The following COL4A2 variants were observed in gnomAD, a reference collection of about 807,000 sequenced individuals.
COL4A2 encodes collagen alpha-2(IV) chain.
In COL4A2, 99 loss-of-function variants were observed where a neutral mutation model predicts 200.2. The ratio of observed to expected loss-of-function variants is 0.49; its 90% CI spans 0.42 to 0.58. The LOEUF (loss-of-function observed/expected upper bound fraction) is 0.58, where lower values mean the gene tolerates loss of function less well. COL4A2 is among the 20% of genes least tolerant of loss of function. The pLI is 0.00. For synonymous variants in COL4A2, 897 were observed against 900.6 expected, an observed-to-expected ratio of 1.00 and a Z score of 0.07; for missense variants, 1,950 against 2,314.1, an observed-to-expected ratio of 0.84 and a Z score of 3.23.
At chr13:110,392,204 A>T (rs557784090) in intron 4 of COL4A2, among the ~76,000 whole-genome samples, 3 of 152,244 alleles carry the variant, frequency 2.0e-5, no homozygotes, top group Non-Finnish European at 4.4e-5. Flanking sequence ...CATCAAGAAA[A>T]CAAGTCAGTC....
chr13:110,478,015 T>A lies in COL4A2; in HGVS notation c.2438T>A (p.Met813Lys). The A allele has an allele frequency of 6.4e-7, 1 of 1,567,264 alleles. No individual in the cohort carries two copies. Reference protein sequence around the residue: ...GPPGFRGSQGMPGMPGLKGQP... With the variant: ...GPPGFRGSQGKPGMPGLKGQP... ...CTGATTCCTGCAGGAAGCCAAGGGA[T>A]GCCTGGGATGCCAGGGCTGAAGGGC... The change falls in exon 30 of 48, where the codon ATG becomes AAG. Residue 813 changes from methionine to lysine, a missense_variant. Transcript: ENST00000360467.
intron 40 of COL4A2, among the ~76,000 whole-genome samples, chr13:110,499,068 A>G (rs1411967541): frequency 6.6e-6 from 1 of 152,250 alleles, no homozygotes; most frequent in African/African-American, 2.4e-5. Context: ...TGATGAGGGA[A>G]AGACGACCTT....
intron 3 of COL4A2, chr13:110,328,408 AACCCC>A (rs1435578611): frequency 6.6e-6 from 1 of 152,252 alleles, no homozygotes; most frequent in African/African-American, 2.4e-5. Context: ...GAGAAGAGAC[AACCCC>A]TGGCAGGCAA....
intron 4 of COL4A2, among the ~76,000 whole-genome samples, chr13:110,390,096 A>T (rs866783696): frequency 9.2e-5 from 14 of 152,344 alleles, no homozygotes; most frequent in Admixed American, 5.2e-4. Flanking sequence ...TTCAAAAAGC[A>T]TGTATTGAGC....
chr13:110,447,809 C>T (rs144733394), intron 18 of COL4A2, among the ~76,000 whole-genome samples: 18 of 152,262 alleles, frequency 1.2e-4, no homozygotes, highest in African/African-American at 3.9e-4. Flanking sequence ...TAAATACAGA[C>T]GCTCTGGTGT....
At chr13:110,341,834 G>A (rs1259863379) in intron 3 of COL4A2, among the ~76,000 whole-genome samples, 2 of 152,242 alleles carry the variant, frequency 1.3e-5, no homozygotes, top group Non-Finnish European at 2.9e-5. Flanking sequence ...AAGGACAGGA[G>A]CATAATAAAA....
chr13:110,394,526 A>G (rs1185437096), intron 4 of COL4A2, among the ~76,000 whole-genome samples: 1 of 152,238 alleles, frequency 6.6e-6, no homozygotes, highest in Non-Finnish European at 1.5e-5. Context: ...CCCAGACTGC[A>G]TGACCCGTAC....
At chr13:110,426,880 T>C (rs1177528764) in intron 6 of COL4A2, among the ~76,000 whole-genome samples, 1 of 152,038 alleles carries the variant, frequency 6.6e-6, no homozygotes, top group Non-Finnish European at 1.5e-5. Flanking sequence ...AAGGGCCCCT[T>C]ATGTCTTTAT....
chr13:110,364,539 A>C (rs928111), intron 4 of COL4A2, among the ~76,000 whole-genome samples: 34,992 of 152,174 alleles, frequency 0.23, 4,402 homozygotes, highest in Admixed American at 0.28. Context: ...ATTTATTAAA[A>C]GTCCCACTTC....
chr13:110,330,371 C>A (rs558589564), intron 3 of COL4A2, among the ~76,000 whole-genome samples: 6 of 151,642 alleles, frequency 4.0e-5, no homozygotes, highest in African/African-American at 1.5e-4. Flanking sequence ...AGGTGGGTGG[C>A]GAGTCGGAAT....
intron 32 of COL4A2, 82 bp from the exon 33 acceptor site, chr13:110,484,823 G>A: frequency 6.8e-7 from 1 of 1,468,976 alleles, no homozygotes; most frequent in Middle Eastern, 2.0e-4. Flanking sequence ...GCAGCCCTAT[G>A]GCTCAGGGAC....
chr13:110,363,912 G>A (rs1877630351), intron 4 of COL4A2, among the ~76,000 whole-genome samples: 1 of 152,162 alleles, frequency 6.6e-6, no homozygotes, highest in African/African-American at 2.4e-5. Context: ...TGTTGGCCAG[G>A]CTGGTCTCGA....
rs1879710367 is a variant in COL4A2 at position 110,408,994 on chromosome 13, GCA to G, written c.181-15735_181-15734del. On this transcript the variant is annotated intron_variant, in intron 4 of 47. Transcript: ENST00000360467. ...CACATATACACACACATGCACACAC[GCA>G]CACATACACACACACATACACATGG... is the stretch of plus-strand genomic sequence containing the variant. Among the ~76,000 whole-genome samples, 2 of 3,028 alleles carry G rather than the reference GCA, an allele frequency of 6.6e-4. 1 individual carries two copies. Among genetic ancestry groups the G allele is most frequent in the Non-Finnish European group, 1.7e-3 (2 of 1,212 alleles). The allele number at this position is 3,028 out of a possible 152,430, so 2.0% of individuals were successfully genotyped here. A position where few individuals can be genotyped will look rare whatever the true frequency, so the allele number is the denominator to read the frequency against.
chr13:110,462,524 A>T, intron 24 of COL4A2, 140 bp downstream of exon 24: 2 of 724,702 alleles, frequency 2.8e-6, no homozygotes, highest in Non-Finnish European at 4.4e-6. Flanking sequence ...TGCTCATTCT[A>T]TTTCTAATGA....
chr13:110,498,910 CT>C (rs900384420), intron 40 of COL4A2, among the ~76,000 whole-genome samples: 3 of 152,194 alleles, frequency 2.0e-5, no homozygotes, highest in African/African-American at 7.2e-5. Flanking sequence ...GGCATGCTGA[CT>C]TTTGCAAGCC....
Position 110,465,584 on chromosome 13 carries a change from C to T in COL4A2, c.1956C>T (p.Pro652=), listed in dbSNP as rs774599373. 9 of 1,613,060 alleles carry T rather than the reference C, an allele frequency of 5.6e-6. No homozygotes were observed. Among genetic ancestry groups the T allele is most frequent in the Middle Eastern group, 1.7e-4 (1 of 6,026 alleles). Reference sequence around the variant, plus strand: ...CAGGCTTCCTGGGCCCTCCTGGCCCCGCAGGGACCCCAGGACAAATAGGTA... The same window carrying T: ...CAGGCTTCCTGGGCCCTCCTGGCCCTGCAGGGACCCCAGGACAAATAGGTA... ...GPPGFLGPPG[P]AGTPGQIDCD... Residue 652 remains proline (P), a synonymous_variant, in exon 25 of 48, where the codon CCC becomes CCT. Transcript: ENST00000360467.
At chr13:110,325,117 T>C (rs977873476) in intron 3 of COL4A2, among the ~76,000 whole-genome samples, 9 of 152,356 alleles carry the variant, frequency 5.9e-5, no homozygotes, top group Non-Finnish European at 1.2e-4. Flanking sequence ...AAAGATGGAC[T>C]TTCTTACACC....
intron 36 of COL4A2, 32 bp from the exon 37 acceptor site, chr13:110,491,201 G>A (rs933385527): frequency 3.3e-6 from 5 of 1,517,508 alleles, no homozygotes; most frequent in Non-Finnish European, 4.5e-6. Context: ...CGCGGTGTCT[G>A]TTTGTTCCAA....
intron 4 of COL4A2, among the ~76,000 whole-genome samples, chr13:110,388,784 T>G (rs1349773794): frequency 6.6e-6 from 1 of 152,196 alleles, no homozygotes; most frequent in Admixed American, 6.5e-5. Context: ...ACTGTGTTGC[T>G]CAAACTTCAA....
Sources: gnomAD v4.1 joint callset for allele counts (sites outside exome capture counted in the v4.1 genomes callset) on GRCh38, gnomAD v4.1.1 for gene constraint, MANE v1.5 for transcripts, NCBI Gene and HGNC (gene_info 2026-07-23, HGNC 2026-07-21) for gene names.